The following MCM5 variants were observed in gnomAD, a reference collection of about 807,000 sequenced individuals.
MCM5 encodes the protein minichromosome maintenance complex component 5, also known as DNA replication licensing factor MCM5.
Under a neutral mutation model 79.9 loss-of-function variants are expected in MCM5, and 46 were observed. That is an observed-to-expected ratio of 0.58 (90% CI 0.45 to 0.74). The LOEUF (loss-of-function observed/expected upper bound fraction) is 0.74, where lower values mean the gene tolerates loss of function less well. MCM5 is among the 30% of genes least tolerant of loss of function. The pLI, the probability that MCM5 is intolerant of heterozygous loss-of-function variation, is 0.00. For missense variants in MCM5, 883 were observed against 1,017.0 expected, an observed-to-expected ratio of 0.87 and a Z score of 1.79; for synonymous variants, 404 against 390.5, an observed-to-expected ratio of 1.03 and a Z score of -0.41.
At chr22:35,444,446 C>T in the MCM5 span, among the ~76,000 whole-genome samples, 1 of 151,996 alleles carries the variant, frequency 6.6e-6, no homozygotes, top group Non-Finnish European at 1.5e-5. Flanking sequence ...GGGGCTGGGG[C>T]TGATGGAGGA....
At chr22:35,415,776 G>C in intron 9 of MCM5, 53 bp from the exon 10 acceptor site, 1 of 1,586,230 alleles carries the variant, frequency 6.3e-7, no homozygotes, top group Middle Eastern at 2.3e-4. Context: ...TTGTCTTATG[G>C]GGGTCAAAGC....
At chr22:35,444,166 G>GAGA in the MCM5 span, among the ~76,000 whole-genome samples, 1 of 147,908 alleles carries the variant, frequency 6.8e-6, no homozygotes, top group Non-Finnish European at 1.5e-5. Context: ...CTGACAGGCA[G>GAGA]GAGAGAGAGA....
the MCM5 span, among the ~76,000 whole-genome samples, chr22:35,447,509 G>C: frequency 7.9e-5 from 12 of 152,262 alleles, no homozygotes; most frequent in Admixed American, 7.8e-4. Context: ...GTCGTATTCT[G>C]TTGCCCAGGC....
the MCM5 span, among the ~76,000 whole-genome samples, chr22:35,440,425 CTG>C: frequency 6.6e-6 from 1 of 152,128 alleles, no homozygotes; most frequent in Non-Finnish European, 1.5e-5. Flanking sequence ...CCTTGAGGCT[CTG>C]GGGTTCTAGG....
the MCM5 span, among the ~76,000 whole-genome samples, chr22:35,446,693 C>G: frequency 6.6e-6 from 1 of 152,120 alleles, no homozygotes; most frequent in African/African-American, 2.4e-5. Flanking sequence ...ATGGAAGCCT[C>G]CCTCAACTCT....
the MCM5 span, among the ~76,000 whole-genome samples, chr22:35,442,961 C>G: frequency 6.6e-6 from 1 of 152,142 alleles, no homozygotes; most frequent in South Asian, 2.1e-4. Context: ...CCCCTTCTCA[C>G]GGGGTCCTAG....
the MCM5 span, among the ~76,000 whole-genome samples, chr22:35,454,246 G>A: frequency 6.6e-6 from 1 of 152,042 alleles, no homozygotes; most frequent in African/African-American, 2.4e-5. Flanking sequence ...GTTCTCTAAG[G>A]CTTCACGTTG....
chr22:35,411,218 G>A (rs138135586), intron 7 of MCM5: 4 of 224,156 alleles, frequency 1.8e-5, no homozygotes, highest in Non-Finnish European at 2.7e-5. Context: ...GAAGTGAAAC[G>A]CAGGGTTCCA....
chr22:35,431,584 C>T, the MCM5 span, among the ~76,000 whole-genome samples: 13 of 152,178 alleles, frequency 8.5e-5, no homozygotes, highest in African/African-American at 1.2e-4. Flanking sequence ...CGGGTCTTGT[C>T]TCCTCCTGAT....
At chr22:35,421,286 A>G (rs1397222549) in intron 14 of MCM5, 32 bp from the exon 15 acceptor site, 1 of 1,604,848 alleles carries the variant, frequency 6.2e-7, no homozygotes, top group South Asian at 1.1e-5. Context: ...TAGCGGACCG[A>G]GGCTACCCTG....
chr22:35,409,604 G>C (rs956910761), intron 6 of MCM5: 3 of 152,212 alleles, frequency 2.0e-5, no homozygotes, highest in Non-Finnish European at 2.9e-5. Flanking sequence ...TTCTACTGAG[G>C]GGGAGAGGGT....
chr22:35,434,886 T>C, the MCM5 span, among the ~76,000 whole-genome samples: 1 of 151,322 alleles, frequency 6.6e-6, no homozygotes, highest in African/African-American at 2.4e-5. Context: ...GCGCGGTGGC[T>C]CACGCCTGTA....
chr22:35,453,819 T>TAGAG, the MCM5 span, among the ~76,000 whole-genome samples: 457 of 81,502 alleles, frequency 5.6e-3, 6 homozygotes, highest in African/African-American at 8.7e-3. Flanking sequence ...TATATATATA[T>TAGAG]AGAGAGAGAG....
intron 8 of MCM5, among the ~76,000 whole-genome samples, chr22:35,413,305 A>G (rs943937617): frequency 5.9e-5 from 9 of 152,060 alleles, no homozygotes; most frequent in African/African-American, 2.2e-4. Context: ...CGGCCTCCCA[A>G]AGTGCTGGGA....
In MCM5 at chr22:35,403,200, A is replaced by G. The variant is rs748261216; in HGVS notation, c.168-7A>G. ...TCCTGCCCCACCCTGCTATGTGCCCACTCCAGGGATGAACTCAAGCGGCAT... is the reference window on the plus strand; with the variant it reads ...TCCTGCCCCACCCTGCTATGTGCCCGCTCCAGGGATGAACTCAAGCGGCAT... On this transcript the variant is annotated splice_polypyrimidine_tract_variant and splice_region_variant and intron_variant, in intron 2 of 16. Coordinates refer to ENST00000216122, the MANE Select transcript of MCM5 (RefSeq NM_006739.4). 3 of 1,613,756 alleles carry G rather than the reference A, an allele frequency of 1.9e-6. No individual in the cohort carries two copies. Among genetic ancestry groups the G allele is most frequent in the Admixed American group, 1.7e-5 (1 of 59,980 alleles).
chr22:35,442,303 T>C, the MCM5 span, among the ~76,000 whole-genome samples: 1 of 151,002 alleles, frequency 6.6e-6, no homozygotes, highest in Non-Finnish European at 1.5e-5. Flanking sequence ...CTCTCTCTGC[T>C]CTTCGGCCTA....
the MCM5 span, among the ~76,000 whole-genome samples, chr22:35,454,822 T>C: frequency 3.3e-5 from 5 of 152,120 alleles, no homozygotes; most frequent in Non-Finnish European, 7.3e-5. Context: ...GTCTCCGTTG[T>C]AAGGGGCTTC....
intron 9 of MCM5, among the ~76,000 whole-genome samples, chr22:35,414,214 G>A (rs1569067684): frequency 6.6e-6 from 1 of 152,202 alleles, no homozygotes; most frequent in Non-Finnish European, 1.5e-5. Flanking sequence ...GAGTCAGGAT[G>A]GGGTTTGGGT....
chr22:35,416,922 C>A (rs1932561395), intron 12 of MCM5, 108 bp downstream of exon 12: 3 of 1,280,512 alleles, frequency 2.3e-6, no homozygotes, highest in Non-Finnish European at 3.3e-6. Flanking sequence ...AAAGTCCTGA[C>A]TGTCAGGCTG....
Sources: gnomAD v4.1 joint callset for allele counts (sites outside exome capture counted in the v4.1 genomes callset) on GRCh38, gnomAD v4.1.1 for gene constraint, MANE v1.5 for transcripts, NCBI Gene and HGNC (gene_info 2026-07-23, HGNC 2026-07-21) for gene names.